CAB39L: variants seen among roughly 807,000 people sequenced by gnomAD.
The protein encoded by CAB39L is calcium-binding protein 39-like.
In CAB39L, 23 loss-of-function variants were observed where a neutral mutation model predicts 39.1. That is an observed-to-expected ratio of 0.59 (90% CI 0.42 to 0.83). The LOEUF (loss-of-function observed/expected upper bound fraction) is 0.83, where lower values mean the gene tolerates loss of function less well. Among genes scored for constraint, CAB39L ranks in the 40% least tolerant of loss-of-function variants. The probability of loss-of-function intolerance (pLI) is 0.00; values close to 1 mark genes in which losing one functional copy is unlikely to be tolerated. For synonymous variants in CAB39L, 126 were observed against 137.2 expected (o/e 0.92, Z 0.57); for missense variants, 366 against 391.9 (o/e 0.93, Z 0.56).
intron 9 of CAB39L, among the ~76,000 whole-genome samples, chr13:49,336,121 T>C (rs937363909): frequency 6.2e-5 from 9 of 146,096 alleles, no homozygotes; most frequent in African/African-American, 2.3e-4. Context: ...CAGAATGTTT[T>C]TCTAGCAAAA....
chr13:49,392,594 T>C (rs7328011), intron 3 of CAB39L, among the ~76,000 whole-genome samples: 3,763 of 152,128 alleles, frequency 0.025, 115 homozygotes, highest in African/African-American at 0.069. Flanking sequence ...TGAGCCGAGA[T>C]TGTACCACTG....
chr13:49,364,583 A>C (rs1955723922), intron 5 of CAB39L, among the ~76,000 whole-genome samples: 1 of 152,236 alleles, frequency 6.6e-6, no homozygotes, highest in South Asian at 2.1e-4. Flanking sequence ...TGATGAACAA[A>C]TTCAATAAAG....
intron 3 of CAB39L, among the ~76,000 whole-genome samples, chr13:49,424,818 A>G (rs1256966556): frequency 6.6e-6 from 1 of 152,232 alleles, no homozygotes; most frequent in Non-Finnish European, 1.5e-5. Context: ...ATTATGGAAT[A>G]AATAAGTATA....
chr13:49,317,167 C>T lies in CAB39L; in HGVS notation c.835-6174G>A, dbSNP rs1014349031. 3.3e-4 allele frequency among the ~76,000 whole-genome samples: 50 copies of T among 152,146 alleles called. 1 individual carries two copies. The highest frequency in any genetic ancestry group is 6.5e-5 in the Admixed American group (1 of 15,282). ...ACCGCATTAGCAGAATATAGGGAAA[C>T]CACATGATCTTCTCAATTGATACAG... On this transcript the variant is annotated intron_variant, in intron 10 of 10. Coordinates refer to ENST00000409308, the MANE Select transcript of CAB39L (RefSeq NM_001079670.3).
At chr13:49,321,420 A>G (rs1052113077) in intron 10 of CAB39L, among the ~76,000 whole-genome samples, 3 of 152,222 alleles carry the variant, frequency 2.0e-5, no homozygotes, top group African/African-American at 4.8e-5. Context: ...ATTGTGCTAA[A>G]CAGTTTATAC....
chr13:49,366,313 T>C lies in CAB39L; in HGVS notation c.277-6481A>G, dbSNP rs978429171. 9.2e-5 allele frequency among the ~76,000 whole-genome samples: 14 copies of C among 151,982 alleles called. 1 individual carries two copies. Among genetic ancestry groups the C allele is most frequent in the African/African-American group, 3.4e-4 (14 of 41,362 alleles). ...ATGTGGTTATTACACATTACATGCCTGTACTAAAATATCTCATATACACTA... is the reference window on the plus strand; with the variant it reads ...ATGTGGTTATTACACATTACATGCCCGTACTAAAATATCTCATATACACTA... On this transcript the variant is annotated intron_variant, in intron 5 of 10. Transcript: ENST00000409308.
intron 5 of CAB39L, among the ~76,000 whole-genome samples, chr13:49,361,603 C>T (rs1270782338): frequency 4.0e-5 from 6 of 150,718 alleles, no homozygotes; most frequent in Non-Finnish European, 8.9e-5. Flanking sequence ...GTCCAATACC[C>T]TTCAATGACT....
intron 3 of CAB39L, among the ~76,000 whole-genome samples, chr13:49,415,180 C>T (rs1356468247): frequency 3.7e-5 from 5 of 136,432 alleles, no homozygotes; most frequent in African/African-American, 1.4e-4. Context: ...CTGGGCAACA[C>T]AGTGAGACCC....
intron 10 of CAB39L, among the ~76,000 whole-genome samples, chr13:49,311,835 TA>T (rs554162472): frequency 6.6e-6 from 1 of 152,338 alleles, no homozygotes; most frequent in African/African-American, 2.4e-5. Flanking sequence ...TTTAAAAAAT[TA>T]AAAAATAAAC....
At chr13:49,422,390 T>A (rs993083564) in intron 3 of CAB39L, among the ~76,000 whole-genome samples, 3 of 152,126 alleles carry the variant, frequency 2.0e-5, no homozygotes, top group Non-Finnish European at 4.4e-5. Flanking sequence ...CTGGCCAACA[T>A]GGCAAAACCT....
chr13:49,414,990 G>A (rs930594604), intron 3 of CAB39L, among the ~76,000 whole-genome samples: 7 of 151,870 alleles, frequency 4.6e-5, no homozygotes, highest in South Asian at 2.1e-4. Context: ...GAGGTCAGGC[G>A]TTCGAGACCA....
rs1456283903 is a variant in CAB39L, at chr13:49,377,587, T to A, written c.112-456A>T. On this transcript the variant is annotated intron_variant, in intron 4 of 10. Coordinates refer to ENST00000409308, the MANE Select transcript of CAB39L (RefSeq NM_001079670.3). Reference sequence around the variant, plus strand: ...TGACTGGTTTTGGTGGAGACGGGGTTTCGCTGTGTTGGCCGGGCAGGTCTC... The same window carrying A: ...TGACTGGTTTTGGTGGAGACGGGGTATCGCTGTGTTGGCCGGGCAGGTCTC... 4.5e-5 allele frequency among the ~76,000 whole-genome samples: 4 copies of A among 88,202 alleles called. 1 individual carries two copies. The highest frequency in any genetic ancestry group is 2.6e-4 in the African/African-American group (4 of 15,288). The allele number at this position is 88,202 out of a possible 152,430, so 57.9% of individuals were successfully genotyped here. A position where few individuals can be genotyped will look rare whatever the true frequency, so the allele number is the denominator to read the frequency against.
intron 7 of CAB39L, 56 bp from the exon 8 acceptor site, chr13:49,344,294 T>C: frequency 2.0e-6 from 2 of 988,058 alleles, no homozygotes; most frequent in East Asian, 2.4e-5. Flanking sequence ...ATATTACAAA[T>C]GTGTCTTTTC....
chr13:49,328,454 T>A (rs918663731), intron 10 of CAB39L, among the ~76,000 whole-genome samples: 1 of 152,218 alleles, frequency 6.6e-6, no homozygotes, highest in Non-Finnish European at 1.5e-5. Context: ...GACTTGTCAG[T>A]TATATATGTC....
At chr13:49,440,715 A>T (rs985604475) in intron 1 of CAB39L, among the ~76,000 whole-genome samples, 33 of 135,442 alleles carry the variant, frequency 2.4e-4, no homozygotes, top group Non-Finnish European at 8.1e-5. Context: ...ATTCCTAGGC[A>T]GTGTGTGTGT....
At chr13:49,442,805 A>AC (rs1566146200) in intron 1 of CAB39L, among the ~76,000 whole-genome samples, 6 of 86,176 alleles carry the variant, frequency 7.0e-5, no homozygotes, top group African/African-American at 2.2e-4. Flanking sequence ...AAAAAAAAAA[A>AC]AAAAAAAAAA....
intron 6 of CAB39L, among the ~76,000 whole-genome samples, chr13:49,351,295 T>A (rs539777177): frequency 2.0e-5 from 3 of 150,390 alleles, no homozygotes; most frequent in Non-Finnish European, 2.9e-5. Flanking sequence ...TGTGTGTGTG[T>A]GTGAGTGACT....
At chr13:49,392,379 C>A (rs1199307318) in intron 3 of CAB39L, among the ~76,000 whole-genome samples, 1 of 152,110 alleles carries the variant, frequency 6.6e-6, no homozygotes, top group African/African-American at 2.4e-5. Context: ...TGGTTCACGC[C>A]TGTAATCCCA....
intron 6 of CAB39L, among the ~76,000 whole-genome samples, chr13:49,353,751 A>C (rs1955418022): frequency 6.6e-6 from 1 of 151,928 alleles, no homozygotes; most frequent in African/African-American, 2.4e-5. Context: ...TATTTTCTTC[A>C]TTACAATCAA....
Sources: allele counts gnomAD v4.1 joint callset (sites outside exome capture counted in the v4.1 genomes callset), GRCh38; gene constraint gnomAD v4.1.1; transcripts MANE v1.5; gene names NCBI Gene and HGNC (gene_info 2026-07-23, HGNC 2026-07-21).